Variants in GRID2 observed in about 807,000 individuals in gnomAD.
GRID2 encodes the protein glutamate receptor ionotropic, delta-2.
A neutral mutation model predicts 114.8 loss-of-function variants in GRID2; 33 were observed. The ratio of observed to expected loss-of-function variants is 0.29; its 90% CI spans 0.22 to 0.38. GRID2 has a LOEUF of 0.38. Ranked by LOEUF, GRID2 falls within the 10% of genes least tolerant of loss-of-function variation. GRID2 has a pLI of 1.00. For synonymous variants in GRID2, 505 were observed against 449.9 expected (o/e 1.12, Z -1.55); for missense variants, 1,184 against 1,257.7 (o/e 0.94, Z 0.89).
intron 2 of GRID2, among the ~76,000 whole-genome samples, chr4:92,947,450 A>C (rs943852531): frequency 6.6e-6 from 1 of 152,124 alleles, no homozygotes; most frequent in African/African-American, 2.4e-5. Flanking sequence ...CATTTTGTAT[A>C]GTAGTGACAT....
chr4:93,787,847 G>C (rs1029377336), intron 1 of GRID2, among the ~76,000 whole-genome samples: 40 of 152,300 alleles, frequency 2.6e-4, no homozygotes, highest in African/African-American at 9.1e-4. Flanking sequence ...CTTAGCTATA[G>C]AAAGGAAAAG....
intron 1 of GRID2, among the ~76,000 whole-genome samples, chr4:92,454,603 G>A (rs536270795): frequency 5.9e-5 from 9 of 152,234 alleles, no homozygotes; most frequent in Non-Finnish European, 1.3e-4. Context: ...TTGGGAGGCC[G>A]AGATCGGCAG....
chr4:93,395,310 A>G (rs1765225810), intron 8 of GRID2, among the ~76,000 whole-genome samples: 1 of 151,970 alleles, frequency 6.6e-6, no homozygotes, highest in African/African-American at 2.4e-5. Flanking sequence ...TTATTTTTCC[A>G]ATTAGTACAT....
At chr4:93,493,894 G>A (rs1727274680) in intron 12 of GRID2, among the ~76,000 whole-genome samples, 1 of 149,464 alleles carries the variant, frequency 6.7e-6, no homozygotes, top group Non-Finnish European at 1.5e-5. Context: ...AGTCATCAGT[G>A]GGTATAATAA....
chr4:93,670,298 G>A (rs977129526), intron 14 of GRID2, among the ~76,000 whole-genome samples: 3 of 152,098 alleles, frequency 2.0e-5, no homozygotes, highest in African/African-American at 7.2e-5. Flanking sequence ...TAAGAAAACT[G>A]AAATCCTGTA....
At chr4:93,294,844 G>C (rs1754124810) in intron 8 of GRID2, among the ~76,000 whole-genome samples, 1 of 152,168 alleles carries the variant, frequency 6.6e-6, no homozygotes, top group Non-Finnish European at 1.5e-5. Context: ...ACAGGCATGA[G>C]CCACCGTGCC....
intron 2 of GRID2, among the ~76,000 whole-genome samples, chr4:92,618,065 G>T (rs1246358540): frequency 1.3e-5 from 2 of 151,576 alleles, no homozygotes; most frequent in Non-Finnish European, 3.0e-5. Flanking sequence ...GCGTTTTGAA[G>T]TCTTCCTCAT....
chr4:92,785,924 G>T (rs1239733435), intron 2 of GRID2, among the ~76,000 whole-genome samples: 1 of 151,766 alleles, frequency 6.6e-6, no homozygotes, highest in Non-Finnish European at 1.5e-5. Context: ...AAATGACAGG[G>T]TTGGAACATA....
intron 2 of GRID2, among the ~76,000 whole-genome samples, chr4:92,935,720 T>C (rs1750618792): frequency 6.8e-6 from 1 of 146,614 alleles, no homozygotes; most frequent in Non-Finnish European, 1.5e-5. Flanking sequence ...AAATGATGAG[T>C]TCATGTCCTT....
At chr4:92,512,583 A>C (rs1054074085) in intron 1 of GRID2, among the ~76,000 whole-genome samples, 16 of 151,840 alleles carry the variant, frequency 1.1e-4, no homozygotes, top group African/African-American at 3.4e-4. Context: ...GCTTTAACTA[A>C]ATTAATATTT....
intron 2 of GRID2, among the ~76,000 whole-genome samples, chr4:93,036,506 A>T: frequency 6.6e-6 from 1 of 152,288 alleles, no homozygotes; most frequent in Middle Eastern, 3.4e-3. Context: ...TATTAATGAA[A>T]ATCAAAATAA....
At chr4:93,012,582 C>A (rs983263207) in intron 2 of GRID2, among the ~76,000 whole-genome samples, 3 of 151,804 alleles carry the variant, frequency 2.0e-5, no homozygotes, top group African/African-American at 7.3e-5. Flanking sequence ...CTGGAGTTGT[C>A]CCTTGTGAAC....
At position 92,792,456 on chromosome 4, in the gene GRID2, AACACACACACACAC is replaced by A. The variant is rs35204445; in HGVS notation, c.244+202205_244+202218del. On this transcript the variant is annotated intron_variant, in intron 2 of 15. Coordinates refer to ENST00000282020, the MANE Select transcript of GRID2 (RefSeq NM_001510.4). ...AAATGATTTTATTAGCAGGCAAGAG[AACACACACACACAC>A]ACACACACACACACACACACACACA... Among the ~76,000 whole-genome samples, 761 of 136,174 alleles carry A rather than the reference AACACACACACACAC, an allele frequency of 5.6e-3. 9 individuals are homozygous for A. The highest frequency in any genetic ancestry group is 0.019 in the African/African-American group (699 of 36,226). 89.3% of individuals were successfully genotyped at this position (136,174 alleles called of 152,430 possible). A position where few individuals can be genotyped will look rare whatever the true frequency, so the allele number is the denominator to read the frequency against.
At chr4:93,667,149 C>A (rs747545309) in intron 14 of GRID2, among the ~76,000 whole-genome samples, 2 of 151,888 alleles carry the variant, frequency 1.3e-5, no homozygotes, top group African/African-American at 4.8e-5. Context: ...ATAAATAAGA[C>A]AATTCAGTAT....
intron 2 of GRID2, among the ~76,000 whole-genome samples, chr4:93,055,829 C>A (rs113285983): frequency 1.3e-5 from 2 of 151,896 alleles, no homozygotes. Flanking sequence ...GAATATGTAT[C>A]CGCTGAAATT....
chr4:93,716,692 T>C (rs558566357), intron 14 of GRID2, among the ~76,000 whole-genome samples: 87 of 152,144 alleles, frequency 5.7e-4, no homozygotes, highest in African/African-American at 2.0e-3. Context: ...ATATACCTTT[T>C]AAAATCAATA....
chr4:93,541,133 T>C (rs72889122), intron 13 of GRID2, among the ~76,000 whole-genome samples: 4 of 152,042 alleles, frequency 2.6e-5, no homozygotes, highest in East Asian at 3.9e-4. Context: ...CCTAACTCAG[T>C]GAAATTGAAG....
intron 1 of GRID2, among the ~76,000 whole-genome samples, chr4:92,383,685 CT>C (rs749779539): frequency 6.6e-6 from 1 of 151,938 alleles, no homozygotes; most frequent in Non-Finnish European, 1.5e-5. Flanking sequence ...TCTTCCTCTT[CT>C]TTCTTTTCCT....
At chr4:92,756,513 ATATC>A (rs1388180031) in intron 2 of GRID2, among the ~76,000 whole-genome samples, 1 of 152,144 alleles carries the variant, frequency 6.6e-6, no homozygotes, top group Non-Finnish European at 1.5e-5. Context: ...TTTTTGAGAA[ATATC>A]TATATTGTTT....
Sources: gnomAD v4.1 joint callset for allele counts (sites outside exome capture counted in the v4.1 genomes callset) on GRCh38, gnomAD v4.1.1 for gene constraint, MANE v1.5 for transcripts, NCBI Gene and HGNC (gene_info 2026-07-23, HGNC 2026-07-21) for gene names.